Variants in LRRTM3 observed in about 807,000 individuals in gnomAD.
The protein encoded by LRRTM3 is leucine rich repeat transmembrane neuronal 3, also known as leucine-rich repeat transmembrane neuronal protein 3.
A neutral mutation model predicts 44.7 loss-of-function variants in LRRTM3; 24 were observed. The observed-to-expected ratio is 0.54, with a 90% confidence interval of 0.39 to 0.76. The LOEUF is 0.76. LRRTM3 is among the 30% of genes least tolerant of loss of function. The pLI is 0.00. For missense variants in LRRTM3, 587 were observed against 702.2 expected (o/e 0.84, Z 1.85); for synonymous variants, 277 against 278.7 (o/e 0.99, Z 0.06).
chr10:66,994,160 T>C (rs1262864324), intron 2 of LRRTM3, among the ~76,000 whole-genome samples: 1 of 152,098 alleles, frequency 6.6e-6, no homozygotes, highest in African/African-American at 2.4e-5. Context: ...TTATAGAAGG[T>C]CCCTCGTATA....
intron 2 of LRRTM3, among the ~76,000 whole-genome samples, chr10:66,934,260 C>A (rs918234516): frequency 2.6e-5 from 4 of 151,994 alleles, no homozygotes; most frequent in Non-Finnish European, 5.9e-5. Context: ...TAACAATTCT[C>A]CATGTTTTCT....
intron 2 of LRRTM3, among the ~76,000 whole-genome samples, chr10:67,057,975 G>A (rs1161656231): frequency 6.6e-6 from 1 of 152,074 alleles, no homozygotes; most frequent in Non-Finnish European, 1.5e-5. Context: ...AGAATGATAG[G>A]CAATCAGCAG....
At chr10:67,012,892 G>A (rs1300031978) in intron 2 of LRRTM3, 1 of 151,922 alleles carries the variant, frequency 6.6e-6, no homozygotes, top group East Asian at 1.9e-4. Context: ...TGAACATAAA[G>A]CAATCATTAA....
In LRRTM3 at chr10:67,099,713, C is replaced by T. The variant is rs186412103; in HGVS notation, c.*1917C>T. ...ATGAAACTAAATGTCAAACACAGTA[C>T]TTGTGTCAACTATTTAGCATCCCAG... On this transcript the variant is annotated 3_prime_UTR_variant, in exon 3 of 3. Transcript: ENST00000361320. 1 of 152,244 alleles carries T rather than the reference C, an allele frequency of 6.6e-6. No individual in the cohort carries two copies. The highest frequency in any genetic ancestry group is 1.9e-4 in the East Asian group (1 of 5,150). The allele number at this position is 152,244 out of a possible 1,614,324, so 9.4% of individuals were successfully genotyped here.
intron 2 of LRRTM3, among the ~76,000 whole-genome samples, chr10:66,953,680 T>C (rs1278686960): frequency 6.6e-6 from 1 of 152,206 alleles, no homozygotes; most frequent in East Asian, 1.9e-4. Flanking sequence ...ATAATAATTT[T>C]ATCTTTGAAA....
intron 2 of LRRTM3, among the ~76,000 whole-genome samples, chr10:66,934,266 T>A (rs1420003608): frequency 6.6e-6 from 1 of 152,130 alleles, no homozygotes; most frequent in East Asian, 1.9e-4. Flanking sequence ...TTCTCCATGT[T>A]TTCTTTTTAT....
rs553018650 is a variant in LRRTM3 at position 66,929,914 on chromosome 10, A to G, written c.1536+1462A>G. Among the ~76,000 whole-genome samples, 251 of 152,342 alleles carry G rather than the reference A, an allele frequency of 1.6e-3. 2 individuals are homozygous for G. Among genetic ancestry groups the G allele is most frequent in the African/African-American group, 5.5e-3 (229 of 41,584 alleles). On this transcript the variant is annotated intron_variant, in intron 2 of 2. Transcript: ENST00000361320. Reference sequence around the variant, plus strand: ...CCTCCAAAATGAACAGTTCTATTATAGAAGCAAATATCAGGAACTGCAACA... The same window carrying G: ...CCTCCAAAATGAACAGTTCTATTATGGAAGCAAATATCAGGAACTGCAACA...
At chr10:66,954,965 T>G (rs1323339498) in intron 2 of LRRTM3, among the ~76,000 whole-genome samples, 1 of 152,152 alleles carries the variant, frequency 6.6e-6, no homozygotes, top group African/African-American at 2.4e-5. Flanking sequence ...AGATCTCAAT[T>G]AGGAAAAGTA....
chr10:66,987,488 A>C lies in LRRTM3; in HGVS notation c.1536+59036A>C, dbSNP rs188808170. 2.3e-3 allele frequency among the ~76,000 whole-genome samples: 344 copies of C among 152,218 alleles called. 2 individuals are homozygous for C. The highest frequency in any genetic ancestry group is 0.02 in the Admixed American group (305 of 15,274). ...TTAGCAATCCGAGATGCCCAGAAAG[A>C]CTTTGTTATTTGTTTGTTTAATTTA... On this transcript the variant is annotated intron_variant, in intron 2 of 2. Transcript: ENST00000361320.
intron 2 of LRRTM3, among the ~76,000 whole-genome samples, chr10:66,983,140 T>C (rs116404237): frequency 1.3e-5 from 2 of 152,180 alleles, no homozygotes; most frequent in African/African-American, 2.4e-5. Context: ...TAAAAACTAA[T>C]GAGCAAATTT....
chr10:66,978,342 A>G (rs1850183080), intron 2 of LRRTM3, among the ~76,000 whole-genome samples: 1 of 151,500 alleles, frequency 6.6e-6, no homozygotes. Context: ...CCTGGCCAAC[A>G]TGGCAAAACC....
At chr10:66,986,722 A>G (rs1850748842) in intron 2 of LRRTM3, among the ~76,000 whole-genome samples, 1 of 152,136 alleles carries the variant, frequency 6.6e-6, no homozygotes, top group Admixed American at 6.5e-5. Flanking sequence ...AATCAGGTTG[A>G]TTTATCATAT....
intron 2 of LRRTM3, among the ~76,000 whole-genome samples, chr10:66,944,595 G>A (rs892517272): frequency 6.6e-6 from 1 of 151,966 alleles, no homozygotes; most frequent in Non-Finnish European, 1.5e-5. Flanking sequence ...AATTTACTTT[G>A]CCCAGATCCA....
intron 2 of LRRTM3, among the ~76,000 whole-genome samples, chr10:67,035,219 G>C (rs1184276787): frequency 6.6e-6 from 1 of 152,158 alleles, no homozygotes; most frequent in Non-Finnish European, 1.5e-5. Context: ...TCTGCATATA[G>C]AGTATCTATA....
At chr10:67,043,749 T>C (rs2133156208) in intron 2 of LRRTM3, among the ~76,000 whole-genome samples, 1 of 152,304 alleles carries the variant, frequency 6.6e-6, no homozygotes, top group Non-Finnish European at 1.5e-5. Flanking sequence ...GTATTTGTGC[T>C]TTGTTCTTTG....
rs978198456 is a variant in LRRTM3 at position 66,926,258 on chromosome 10, C to G, written c.-326C>G. On this transcript the variant is annotated 5_prime_UTR_variant, in exon 1 of 3. It adds an upstream start codon to the 5' untranslated region. Transcript: ENST00000361320. ...TTTCGATAAGAAGAAATTGTAGGAT[C>G]CAGTTTTTTTTTTAACCGCCCCCTC... 1 of 509,948 alleles carries G rather than the reference C, an allele frequency of 2.0e-6. No homozygotes were observed. Among genetic ancestry groups the G allele is most frequent in the South Asian group, 2.0e-5 (1 of 50,604 alleles). The allele number at this position is 509,948 out of a possible 1,614,324, so 31.6% of individuals were successfully genotyped here.
chr10:67,002,019 G>A (rs931647145), intron 2 of LRRTM3, among the ~76,000 whole-genome samples: 2 of 152,140 alleles, frequency 1.3e-5, no homozygotes, highest in African/African-American at 4.8e-5. Context: ...CCTAGGTTCC[G>A]AGGAGGTCAC....
intron 2 of LRRTM3, among the ~76,000 whole-genome samples, chr10:66,935,835 T>C (rs1320931187): frequency 4.0e-5 from 6 of 148,710 alleles, no homozygotes; most frequent in African/African-American, 1.3e-4. Flanking sequence ...TGTCTTCCTG[T>C]AAGTTTCACT....
At chr10:67,088,835 C>A (rs1857455840) in intron 2 of LRRTM3, among the ~76,000 whole-genome samples, 1 of 151,976 alleles carries the variant, frequency 6.6e-6, no homozygotes, top group Non-Finnish European at 1.5e-5. Flanking sequence ...GCCTTATTAT[C>A]CTATACTGTC....
Sources: allele counts gnomAD v4.1 joint callset (sites outside exome capture counted in the v4.1 genomes callset), GRCh38; gene constraint gnomAD v4.1.1; transcripts MANE v1.5; gene names NCBI Gene and HGNC (gene_info 2026-07-23, HGNC 2026-07-21).